IGSF10: variants seen among roughly 807,000 people sequenced by gnomAD.
IGSF10 encodes immunoglobulin superfamily member 10.
Under a neutral mutation model 128.2 loss-of-function variants are expected in IGSF10, and 126 were observed. The observed-to-expected ratio is 0.98, with a 90% confidence interval of 0.85 to 1.14. The LOEUF is 1.14. Ranked by LOEUF, IGSF10 falls within the 50% of genes most tolerant of loss-of-function variation. IGSF10 has a pLI of 0.00. For synonymous variants in IGSF10, 1,185 were observed against 1,146.2 expected (o/e 1.03, Z -0.68); for missense variants, 3,295 against 3,149.8 (o/e 1.05, Z -1.10).
chr3:151,440,533 T>C (rs1198137687), intron 7 of IGSF10: 1 of 456,712 alleles, frequency 2.2e-6, no homozygotes. Context: ...TCCCTCACTA[T>C]ACAGCTGAAA....
rs1283177524 is a variant in IGSF10 at position 151,438,028 on chromosome 3, G to A, written c.6533C>T (p.Pro2178Leu). The A allele has an allele frequency of 6.2e-7, 1 of 1,614,212 alleles. No homozygotes were observed. The highest frequency in any genetic ancestry group is 1.1e-5 in the South Asian group (1 of 91,084). Residue 2178 changes from proline (P) to leucine (L), a missense_variant, in exon 8 of 8, where the codon CCT becomes CTT. Pro to Leu is a moderately conservative substitution (Grantham distance 98). Transcript: ENST00000282466. ...GGAGAAGGAAATCATGTCATTGGAA[G>A]GCAGCAACCAAAATATTTTTGGTTT... The part of the protein sequence containing the change: ...DPKPKIFWLL[P>L]SNDMISFSID...
the IGSF10 span, among the ~76,000 whole-genome samples, chr3:151,511,302 G>A: frequency 6.6e-6 from 1 of 152,196 alleles, no homozygotes; most frequent in African/African-American, 2.4e-5. Flanking sequence ...GAGAGTGGGG[G>A]CCAATATTCA....
the IGSF10 span, among the ~76,000 whole-genome samples, chr3:151,568,511 T>A: frequency 2.0e-5 from 3 of 152,130 alleles, no homozygotes; most frequent in Non-Finnish European, 4.4e-5. Flanking sequence ...ATTTATAATA[T>A]CTCCCTAGGG....
the IGSF10 span, among the ~76,000 whole-genome samples, chr3:151,541,823 C>T: frequency 6.6e-6 from 1 of 152,006 alleles, no homozygotes; most frequent in Non-Finnish European, 1.5e-5. Flanking sequence ...CCAAGCTAGA[C>T]CAATCAGCTG....
At chr3:151,457,237 A>T (rs1015168038) in intron 3 of IGSF10, 82 bp from the exon 4 acceptor site, 1 of 1,283,032 alleles carries the variant, frequency 7.8e-7, no homozygotes, top group African/African-American at 1.5e-5. Flanking sequence ...AAACACAAGA[A>T]AACTCAATAC....
chr3:151,551,515 A>G, the IGSF10 span, among the ~76,000 whole-genome samples: 217 of 152,230 alleles, frequency 1.4e-3, 8 homozygotes, highest in East Asian at 0.036. Flanking sequence ...AAATCCATCT[A>G]TAAGTGGATC....
intron 7 of IGSF10, chr3:151,440,607 G>A (rs1007161763): frequency 5.0e-5 from 23 of 456,692 alleles, no homozygotes; most frequent in Non-Finnish European, 7.9e-5. Flanking sequence ...CAAGCCTTAC[G>A]CTTTCCACCA....
At chr3:151,468,941 T>C in the IGSF10 span, among the ~76,000 whole-genome samples, 1 of 152,204 alleles carries the variant, frequency 6.6e-6, no homozygotes, top group African/African-American at 2.4e-5. Flanking sequence ...CCTGTGTCCA[T>C]GTGTTCTCAT....
Position 151,446,691 on chromosome 3 carries a change from A to T in IGSF10, c.3290T>A (p.Val1097Asp). The T allele has an allele frequency of 6.2e-6, 10 of 1,613,864 alleles. No individual in the cohort carries two copies. Among genetic ancestry groups the T allele is most frequent in the African/African-American group, 1.3e-5 (1 of 74,868 alleles). Reference sequence around the variant, plus strand: ...TAGAGTTGTAGACTCTTCTGATGGGACTCTAGCAATGTCAGCTTTGGGGAA... The same window carrying T: ...TAGAGTTGTAGACTCTTCTGATGGGTCTCTAGCAATGTCAGCTTTGGGGAA... ...ITFPKADIAR[V>D]PSEESTTLVQ... is the part of the protein sequence containing the mutation. Residue 1097 changes from valine to aspartate, a missense_variant, in exon 6 of 8, where the codon GTC becomes GAC. Coordinates refer to ENST00000282466, the MANE Select transcript of IGSF10 (RefSeq NM_178822.5).
At position 151,448,550 on chromosome 3, in the gene IGSF10, C is replaced by T. The variant is rs772361540; in HGVS notation, c.1431G>A (p.Arg477=). Residue 477 remains arginine (R), a synonymous_variant, in exon 6 of 8, where the codon AGG becomes AGA. Transcript: ENST00000282466. ...PVKHKWTMIS[R]DNNTKLEHTV... The stretch of plus-strand genomic sequence containing the variant: ...TATGTTCCAGCTTAGTATTGTTATC[C>T]CTTGAAATCATAGTCCATTTGTGTT... 1 of 1,614,186 alleles carries T rather than the reference C, an allele frequency of 6.2e-7. No individual in the cohort carries two copies. Among genetic ancestry groups the T allele is most frequent in the South Asian group, 1.1e-5 (1 of 91,086 alleles).
chr3:151,614,556 C>G, the IGSF10 span, among the ~76,000 whole-genome samples: 1 of 151,858 alleles, frequency 6.6e-6, no homozygotes, highest in African/African-American at 2.4e-5. Flanking sequence ...TCATTCTCAG[C>G]AAACTATCGC....
the IGSF10 span, among the ~76,000 whole-genome samples, chr3:151,538,479 A>G: frequency 1.3e-5 from 2 of 152,192 alleles, no homozygotes; most frequent in East Asian, 3.8e-4. Flanking sequence ...GCCAAGTAAT[A>G]GTAGAAGAAA....
At chr3:151,573,682 A>G in the IGSF10 span, among the ~76,000 whole-genome samples, 1 of 152,186 alleles carries the variant, frequency 6.6e-6, no homozygotes, top group Non-Finnish European at 1.5e-5. Context: ...CTCTTTATCC[A>G]ATTTGCCAGT....
the IGSF10 span, among the ~76,000 whole-genome samples, chr3:151,574,567 T>C: frequency 6.6e-6 from 1 of 152,326 alleles, no homozygotes; most frequent in Admixed American, 6.5e-5. Context: ...TTCAGCTCCA[T>C]TAGGTCATTT....
chr3:151,559,159 T>A, the IGSF10 span, among the ~76,000 whole-genome samples: 1 of 152,072 alleles, frequency 6.6e-6, no homozygotes, highest in African/African-American at 2.4e-5. Flanking sequence ...GAAGAATAAT[T>A]CAAGGGAGTA....
At chr3:151,596,682 T>G in the IGSF10 span, among the ~76,000 whole-genome samples, 1 of 152,166 alleles carries the variant, frequency 6.6e-6, no homozygotes, top group African/African-American at 2.4e-5. Context: ...TAGACCAGCA[T>G]TGAACAATGG....
Position 151,443,784 on chromosome 3 carries a change from G to A in IGSF10, c.5163C>T (p.Tyr1721=), listed in dbSNP as rs373437061. ...CAAACAGATTGGATGCGGAACACAAGTACTGTCCGCGGTCCTGAATTTCCA... is the reference window on the plus strand; with the variant it reads ...CAAACAGATTGGATGCGGAACACAAATACTGTCCGCGGTCCTGAATTTCCA... The part of the protein sequence containing the change: ...QRVEIQDRGQ[Y]LCSASNLFGT... The change falls in exon 7 of 8, where the codon TAC becomes TAT. Residue 1721 remains tyrosine, a synonymous_variant. Coordinates refer to ENST00000282466, the MANE Select transcript of IGSF10 (RefSeq NM_178822.5). 5.6e-6 allele frequency: 9 copies of A among 1,614,136 alleles called. No homozygotes were observed. Among genetic ancestry groups the A allele is most frequent in the East Asian group, 2.2e-5 (1 of 44,880 alleles).
chr3:151,443,810 C>T lies in IGSF10; in HGVS notation c.5137G>A (p.Val1713Met), dbSNP rs1212192091. ...LPNGTLSIQRVEIQDRGQYLC... is the reference protein window; with the variant it reads ...LPNGTLSIQRMEIQDRGQYLC... ...TACTGTCCGCGGTCCTGAATTTCCA[C>T]CCTCTGGATGGACAGGGTACCATTG... Residue 1713 changes from valine (V) to methionine (M), a missense_variant, in exon 7 of 8, where the codon GTG (valine) becomes ATG (methionine). Transcript: ENST00000282466. 1 of 1,613,782 alleles carries T rather than the reference C, an allele frequency of 6.2e-7. No homozygotes were observed. The highest frequency in any genetic ancestry group is 8.5e-7 in the Non-Finnish European group (1 of 1,179,688).
the IGSF10 span, among the ~76,000 whole-genome samples, chr3:151,614,257 G>A: frequency 6.6e-6 from 1 of 152,214 alleles, no homozygotes; most frequent in Non-Finnish European, 1.5e-5. Context: ...GTGGAAGTCA[G>A]TGTGGCGATT....
Sources: allele counts gnomAD v4.1 joint callset (sites outside exome capture counted in the v4.1 genomes callset), GRCh38; gene constraint gnomAD v4.1.1; transcripts MANE v1.5; gene names NCBI Gene and HGNC (gene_info 2026-07-23, HGNC 2026-07-21).